PTPRB: variants seen among roughly 807,000 people sequenced by gnomAD.
PTPRB encodes protein tyrosine phosphatase receptor type B, also known as receptor-type tyrosine-protein phosphatase beta.
A neutral mutation model predicts 238.1 loss-of-function variants in PTPRB; 97 were observed. The observed-to-expected ratio is 0.41, with a 90% CI of 0.35 to 0.48. The LOEUF is 0.48. Among genes scored for constraint, PTPRB ranks in the 20% least tolerant of loss-of-function variants. The pLI is 0.30. For synonymous variants in PTPRB, 970 were observed against 995.4 expected (o/e 0.97, Z 0.48); for missense variants, 2,292 against 2,681.9 (o/e 0.85, Z 3.21).
intron 27 of PTPRB, 37 bp from the exon 28 acceptor site, chr12:70,538,268 CT>C: frequency 1.3e-6 from 2 of 1,569,770 alleles, no homozygotes; most frequent in Non-Finnish European, 1.7e-6. Flanking sequence ...CTTGGAGTGA[CT>C]TTTCTACAGT....
At chr12:70,538,113 C>A (rs1288959174) in intron 28 of PTPRB, 42 bp downstream of exon 28, 2 of 1,534,640 alleles carry the variant, frequency 1.3e-6, no homozygotes, top group South Asian at 1.2e-5. Flanking sequence ...AGCCACCCAC[C>A]AAAGCCTCAT....
rs1878679593 is a variant in PTPRB, at chr12:70,562,872, A to G, written c.4140T>C (p.Ser1380=). 6.2e-7 allele frequency: 1 copy of G among 1,613,844 alleles called. No individual in the cohort carries two copies. The highest frequency in any genetic ancestry group is 1.3e-5 in the African/African-American group (1 of 74,926). ...TTCTACCAAATATGAAAGACTCATT[A>G]GACAGCTCCCCACTGTGAGTTACAA... The part of the protein sequence containing the change: ...MVIVTHSGEL[S]NESFIFGRTV... The change falls in exon 16 of 34, where the codon TCT becomes TCC. Residue 1380 remains serine, a synonymous_variant. Coordinates refer to ENST00000334414, the MANE Select transcript of PTPRB (RefSeq NM_001109754.4).
Position 70,521,152 on chromosome 12 carries a change from C to A in PTPRB, c.*337G>T, listed in dbSNP as rs1184406729. On this transcript the variant is annotated 3_prime_UTR_variant, in exon 34 of 34. Transcript: ENST00000334414. ...GCCTGAAGGATTGTCTCTGCCACCA[C>A]CTCCATATGCATTTTACCAGTAGTC... is the stretch of plus-strand genomic sequence containing the variant. 4.9e-6 allele frequency: 1 copy of A among 202,870 alleles called. No individual in the cohort carries two copies. Among genetic ancestry groups the A allele is most frequent in the African/African-American group, 2.3e-5 (1 of 43,336 alleles). 12.6% of individuals were successfully genotyped at this position (202,870 alleles called of 1,614,324 possible). A position where few individuals can be genotyped will look rare whatever the true frequency, so the allele number is the denominator to read the frequency against.
intron 21 of PTPRB, among the ~76,000 whole-genome samples, chr12:70,551,051 G>A (rs193037431): frequency 3.0e-4 from 46 of 152,006 alleles, no homozygotes; most frequent in Admixed American, 4.6e-4. Context: ...GTGCACCACC[G>A]TGCCTGGCCA....
intron 4 of PTPRB, among the ~76,000 whole-genome samples, chr12:70,598,652 A>AG (rs1883229733): frequency 6.6e-6 from 1 of 152,246 alleles, no homozygotes; most frequent in Non-Finnish European, 1.5e-5. Flanking sequence ...TACCCAATTG[A>AG]GATGACATAC....
At chr12:70,632,812 G>A (rs997377994) in intron 2 of PTPRB, among the ~76,000 whole-genome samples, 1 of 152,086 alleles carries the variant, frequency 6.6e-6, no homozygotes, top group Non-Finnish European at 1.5e-5. Flanking sequence ...CAGCTTAGAG[G>A]ATAAAGCTCA....
At chr12:70,625,811 C>T (rs1208114456) in intron 2 of PTPRB, among the ~76,000 whole-genome samples, 2 of 152,258 alleles carry the variant, frequency 1.3e-5, no homozygotes, top group Non-Finnish European at 2.9e-5. Context: ...CCTACTATAA[C>T]ACAATTTCTC....
chr12:70,534,750 AAG>A lies in PTPRB; in HGVS notation c.6204+81_6204+82del. The A allele has an allele frequency of 1.9e-6, 3 of 1,600,162 alleles. No individual in the cohort carries two copies. The South Asian group carries it at 3.4e-5, about 18-fold the overall frequency. On this transcript the variant is annotated intron_variant, in intron 30 of 33. Transcript: ENST00000334414. Reference sequence around the variant, plus strand: ...AGCAACTCCTATGGGCTGAAACTACAAGAGAGGAACCAGCGAAAGTGGGGTTC... The same window carrying A: ...AGCAACTCCTATGGGCTGAAACTACAAGAGGAACCAGCGAAAGTGGGGTTC...
At chr12:70,544,469 C>T (rs1336979845) in intron 22 of PTPRB, 88 bp downstream of exon 22, 2 of 876,932 alleles carry the variant, frequency 2.3e-6, no homozygotes, top group African/African-American at 1.7e-5. Flanking sequence ...AATAAATGTT[C>T]CCCCCACCAT....
At chr12:70,538,340 G>C (rs1565914228) in intron 27 of PTPRB, 109 bp from the exon 28 acceptor site, 1 of 871,050 alleles carries the variant, frequency 1.1e-6, no homozygotes, top group East Asian at 2.5e-5. Flanking sequence ...GATGGGAAGT[G>C]ATCTTATCTC....
rs1273565011 is a variant in PTPRB, at chr12:70,571,028, G to A, written c.3368C>T (p.Thr1123Ile). 1 of 1,613,884 alleles carries A rather than the reference G, an allele frequency of 6.2e-7. No homozygotes were observed. Among genetic ancestry groups the A allele is most frequent in the Non-Finnish European group, 8.5e-7 (1 of 1,179,812 alleles). ...VQQSAFIEGF[T>I]VPSAVKNIHI... The stretch of plus-strand genomic sequence containing the variant: ...TCAAGAACAGTATTTCACATTACCT[G>A]TGAAGCCCTCAATGAAGGCTGACTG... The change falls in exon 13 of 34, where the codon ACA becomes ATA. Residue 1123 changes from threonine to isoleucine, a missense_variant and splice_region_variant. This residue lies in a region of PTPRB where 683 missense variants were observed against 862.0 expected (regional missense o/e 0.79). Transcript: ENST00000334414.
chr12:70,584,458 T>C (rs1881686954), intron 9 of PTPRB, among the ~76,000 whole-genome samples: 1 of 152,134 alleles, frequency 6.6e-6, no homozygotes, highest in Non-Finnish European at 1.5e-5. Flanking sequence ...ATCTACACCT[T>C]GATCATTATT....
chr12:70,559,319 T>A (rs780396411), intron 18 of PTPRB, 24 bp downstream of exon 18: 1 of 1,586,586 alleles, frequency 6.3e-7, no homozygotes, highest in Admixed American at 1.7e-5. Context: ...ATTTGAGAAA[T>A]AAGAGTAGCA....
At position 70,626,365 on chromosome 12, in the gene PTPRB, A is replaced by G. The variant is rs879453774; in HGVS notation, c.452-3719T>C. ...TATCTATCTATCTATCTATCTATCT[A>G]TATTCCTGCCTGCCTGCCTGCCTGC... On this transcript the variant is annotated intron_variant, in intron 2 of 33. Coordinates refer to ENST00000334414, the MANE Select transcript of PTPRB (RefSeq NM_001109754.4). Among the ~76,000 whole-genome samples the G allele has an allele frequency of 4.4e-3, 463 of 104,510 alleles. 6 individuals carry two copies. Among genetic ancestry groups the G allele is most frequent in the Admixed American group, 0.016 (159 of 10,132 alleles). 68.6% of individuals were successfully genotyped at this position (104,510 alleles called of 152,430 possible).
chr12:70,572,775 T>TAAAAAAAAAAAAAAA (rs10709963), intron 11 of PTPRB, among the ~76,000 whole-genome samples: 2 of 93,968 alleles, frequency 2.1e-5, no homozygotes, highest in Non-Finnish European at 4.7e-5. Context: ...CTCCATCTCA[T>TAAAAAAAAAAAAAAA]AAAAAAAAAA....
chr12:70,562,417 C>T (rs1041864213), intron 16 of PTPRB, among the ~76,000 whole-genome samples: 4 of 152,306 alleles, frequency 2.6e-5, no homozygotes, highest in South Asian at 2.1e-4. Flanking sequence ...CTTCATCTAG[C>T]GCTGTGTTTC....
chr12:70,542,322 G>T (rs534239674), intron 22 of PTPRB: 1 of 152,206 alleles, frequency 6.6e-6, no homozygotes, highest in Admixed American at 6.5e-5. Flanking sequence ...GCTCATACCT[G>T]TAATCCCAGC....
At chr12:70,541,316 CAT>C (rs1491403707) in intron 22 of PTPRB, 1 of 168,606 alleles carries the variant, frequency 5.9e-6, no homozygotes. Context: ...TTATATAAAA[CAT>C]GTTACACAGC....
Position 70,539,964 on chromosome 12 carries a change from C to G in PTPRB, c.5653G>C (p.Val1885Leu). 6.2e-7 allele frequency: 1 copy of G among 1,612,510 alleles called. No homozygotes were observed. Among genetic ancestry groups the G allele is most frequent in the Non-Finnish European group, 8.5e-7 (1 of 1,178,536 alleles). The change falls in exon 24 of 34, where the codon GTC becomes CTC. Residue 1885 changes from valine (V) to leucine (L), a missense_variant. This residue lies in a region of PTPRB where 397 missense variants were observed against 502.0 expected (regional missense o/e 0.79). Transcript: ENST00000334414. Reference protein sequence around the residue: ...LSIRRDRPLSVHLNLGQKGNR... With the variant: ...LSIRRDRPLSLHLNLGQKGNR... ...CCTTTCTGGCCCAGGTTTAAGTGGACAGATAATGGTCGATCCCTACGAATG... is the reference window on the plus strand; with the variant it reads ...CCTTTCTGGCCCAGGTTTAAGTGGAGAGATAATGGTCGATCCCTACGAATG...
Sources: allele counts gnomAD v4.1 joint callset (sites outside exome capture counted in the v4.1 genomes callset), GRCh38; gene constraint gnomAD v4.1.1; regional missense constraint gnomAD v4.1.1; transcripts MANE v1.5; gene names NCBI Gene and HGNC (gene_info 2026-07-23, HGNC 2026-07-21).